Variants in SLC26A8 observed in about 807,000 individuals in gnomAD.
SLC26A8 encodes the protein testis anion transporter 1.
SLC26A8 carries 70 observed loss-of-function variants against 105.0 expected under a neutral mutation model. The observed-to-expected ratio is 0.67, with a 90% CI of 0.55 to 0.81. SLC26A8 has a LOEUF of 0.81. Ranked by LOEUF, SLC26A8 falls within the 40% of genes least tolerant of loss-of-function variation. The pLI, the probability that SLC26A8 is intolerant of heterozygous loss-of-function variation, is 0.00. For missense variants in SLC26A8, 998 were observed against 1,181.8 expected (o/e 0.84, Z 2.28); for synonymous variants, 415 against 438.3 (o/e 0.95, Z 0.66).
At chr6:35,979,864 A>G (rs966421875) in intron 8 of SLC26A8, among the ~76,000 whole-genome samples, 13 of 152,278 alleles carry the variant, frequency 8.5e-5, no homozygotes, top group African/African-American at 3.1e-4. Context: ...ATAATAAAAG[A>G]GAAAGCTCAA....
At chr6:35,986,024 C>CTTTT (rs34715373) in intron 7 of SLC26A8, among the ~76,000 whole-genome samples, 7 of 71,318 alleles carry the variant, frequency 9.8e-5, no homozygotes, top group Admixed American at 1.8e-4. Flanking sequence ...ACATATACAT[C>CTTTT]TTTTTTTTTT....
intron 7 of SLC26A8, 98 bp from the exon 8 acceptor site, chr6:35,982,301 A>T: frequency 8.7e-7 from 1 of 1,143,350 alleles, no homozygotes. Flanking sequence ...CTGGCAGGAC[A>T]GAAAATGAAA....
chr6:35,976,685 C>T (rs914330974), intron 9 of SLC26A8, among the ~76,000 whole-genome samples: 23 of 151,370 alleles, frequency 1.5e-4, no homozygotes, highest in African/African-American at 2.7e-4. Flanking sequence ...GGAGCACAGG[C>T]GCCCGCCACC....
intron 16 of SLC26A8, among the ~76,000 whole-genome samples, chr6:35,959,019 G>A (rs1772204395): frequency 6.6e-6 from 1 of 152,122 alleles, no homozygotes; most frequent in South Asian, 2.1e-4. Flanking sequence ...GCCATAGGAA[G>A]ACATCAGGAG....
chr6:36,009,011 C>T (rs1372924380), intron 3 of SLC26A8, among the ~76,000 whole-genome samples: 1 of 152,182 alleles, frequency 6.6e-6, no homozygotes, highest in Non-Finnish European at 1.5e-5. Context: ...GTACTACACT[C>T]CTAAGCATTT....
In SLC26A8 at chr6:36,019,640, T is replaced by C. The variant is rs750449787; in HGVS notation, c.68A>G (p.Tyr23Cys). Residue 23 changes from tyrosine (Y) to cysteine (C), a missense_variant, in exon 2 of 20, where the codon TAT becomes TGT. Coordinates refer to ENST00000490799, the MANE Select transcript of SLC26A8 (RefSeq NM_052961.4). ...SSKSRRNSFA[Y>C]DVKREVYNEE... Reference sequence around the variant, plus strand: ...ATTGTATACTTCACGCTTAACATCATATGCGAATGAGTTTCGCCTGGACTT... The same window carrying C: ...ATTGTATACTTCACGCTTAACATCACATGCGAATGAGTTTCGCCTGGACTT... 6.2e-7 allele frequency: 1 copy of C among 1,614,212 alleles called. No homozygotes were observed.
At chr6:35,995,120 T>G (rs1052349848) in intron 5 of SLC26A8, among the ~76,000 whole-genome samples, 1 of 152,234 alleles carries the variant, frequency 6.6e-6, no homozygotes, top group African/African-American at 2.4e-5. Flanking sequence ...CTAGCTCAGA[T>G]GTGAAAATAG....
At chr6:36,021,323 TC>T (rs556589591) in intron 1 of SLC26A8, among the ~76,000 whole-genome samples, 45 of 151,210 alleles carry the variant, frequency 3.0e-4, no homozygotes, top group African/African-American at 7.5e-4. Context: ...ATGTAAGGAA[TC>T]CCCCCCCACC....
intron 3 of SLC26A8, among the ~76,000 whole-genome samples, chr6:36,009,108 T>C (rs1206672565): frequency 1.3e-5 from 2 of 152,146 alleles, no homozygotes; most frequent in Non-Finnish European, 2.9e-5. Flanking sequence ...ATCCCAGTAC[T>C]TTGGGAGGCC....
intron 8 of SLC26A8, among the ~76,000 whole-genome samples, chr6:35,978,844 C>CT (rs370881691): frequency 0.22 from 30,877 of 140,764 alleles, 3,963 homozygotes; most frequent in South Asian, 0.4. Flanking sequence ...TCTTCTTCTT[C>CT]TTTTTTTTTT....
At chr6:36,011,699 C>T (rs983814252) in intron 3 of SLC26A8, among the ~76,000 whole-genome samples, 26 of 152,254 alleles carry the variant, frequency 1.7e-4, no homozygotes, top group African/African-American at 5.5e-4. Context: ...TCTCGACCTC[C>T]TGGGCTCAGG....
Position 35,984,934 on chromosome 6 carries a change from C to T in SLC26A8, c.943-2731G>A, listed in dbSNP as rs1408275295. ...TTCAGGAAAAGCCAACCAGCATTAA[C>T]CTCAAAACAGACCCTTAAGTCTGAC... On this transcript the variant is annotated intron_variant, in intron 7 of 19. Transcript: ENST00000490799. 2.0e-5 allele frequency among the ~76,000 whole-genome samples: 3 copies of T among 152,142 alleles called. No individual in the cohort carries two copies. The East Asian group carries it at 5.8e-4, about 29-fold the overall frequency.
intron 17 of SLC26A8, among the ~76,000 whole-genome samples, chr6:35,954,247 A>G (rs1361370272): frequency 2.0e-5 from 3 of 152,240 alleles, no homozygotes; most frequent in Non-Finnish European, 4.4e-5. Context: ...ACCCGGGGAC[A>G]CAGCTTTTGA....
At chr6:36,010,519 A>G (rs1761824664) in intron 3 of SLC26A8, among the ~76,000 whole-genome samples, 1 of 151,466 alleles carries the variant, frequency 6.6e-6, no homozygotes, top group Non-Finnish European at 1.5e-5. Flanking sequence ...GTGGTTACAC[A>G]AATCTATATA....
chr6:35,974,811 A>T (rs1030222655), intron 10 of SLC26A8, among the ~76,000 whole-genome samples: 3 of 152,196 alleles, frequency 2.0e-5, no homozygotes, highest in South Asian at 4.1e-4. Context: ...ATCTCAACTC[A>T]TTGCAACCTC....
chr6:35,972,417 C>A (rs1772833987), intron 10 of SLC26A8, among the ~76,000 whole-genome samples: 1 of 151,464 alleles, frequency 6.6e-6, no homozygotes, highest in African/African-American at 2.4e-5. Context: ...AATCATAAGG[C>A]CTCCAGAGAT....
intron 16 of SLC26A8, among the ~76,000 whole-genome samples, chr6:35,955,767 A>G (rs530383382): frequency 1.3e-5 from 2 of 152,090 alleles, no homozygotes; most frequent in South Asian, 4.2e-4. Flanking sequence ...GATGTTCATC[A>G]CTGTCCCAGT....
intron 19 of SLC26A8, 146 bp downstream of exon 19, chr6:35,951,016 TG>T: frequency 3.8e-6 from 3 of 788,710 alleles, no homozygotes; most frequent in Non-Finnish European, 5.9e-6. Flanking sequence ...TCCCAGATTC[TG>T]GTACAGCCAT....
chr6:35,951,249 A>G lies in SLC26A8; in HGVS notation c.2386T>C (p.Leu796=). 6.2e-7 allele frequency: 1 copy of G among 1,614,138 alleles called. No homozygotes were observed. The highest frequency in any genetic ancestry group is 8.5e-7 in the Non-Finnish European group (1 of 1,180,036). Residue 796 remains leucine, a synonymous_variant, in exon 19 of 20, where the codon TTG becomes CTG. Transcript: ENST00000490799. The part of the protein sequence containing the change: ...LSVHDAVLFA[L]SRKVIGSSEL... ...GAGGAGCCTATGACCTTCCTTGACA[A>G]GGCAAACAGCACGGCGTCGTGAACG...
Sources: allele counts gnomAD v4.1 joint callset (sites outside exome capture counted in the v4.1 genomes callset), GRCh38; gene constraint gnomAD v4.1.1; transcripts MANE v1.5; gene names NCBI Gene and HGNC (gene_info 2026-07-23, HGNC 2026-07-21).